The following MIB1 variants were observed in gnomAD, a reference collection of about 807,000 sequenced individuals.
The protein encoded by MIB1 is MIB E3 ubiquitin protein ligase 1.
A neutral mutation model predicts 124.5 loss-of-function variants in MIB1; 278 were observed. The ratio of observed to expected loss-of-function variants is 2.23; its 90% CI spans 2.02 to 2.47. The LOEUF is 2.47. Among genes scored for constraint, MIB1 ranks in the 30% most tolerant of loss-of-function variants. The pLI is 0.00. For missense variants in MIB1, 957 were observed against 1,254.4 expected, an observed-to-expected ratio of 0.76 and a Z score of 3.58; for synonymous variants, 446 against 429.4, an observed-to-expected ratio of 1.04 and a Z score of -0.48.
chr18:21,829,698 T>TTTA (rs1472564468), intron 12 of MIB1, among the ~76,000 whole-genome samples: 1 of 152,108 alleles, frequency 6.6e-6, no homozygotes, highest in Non-Finnish European at 1.5e-5. Flanking sequence ...TTCTTTTTTC[T>TTTA]TTATTAGTTC....
intron 1 of MIB1, among the ~76,000 whole-genome samples, chr18:21,706,989 G>C (rs1365482571): frequency 6.6e-6 from 1 of 152,248 alleles, no homozygotes; most frequent in Non-Finnish European, 1.5e-5. Context: ...GAGTCTAGTG[G>C]GGACTTGGAG....
intron 14 of MIB1, 65 bp from the exon 15 acceptor site, chr18:21,844,027 T>C (rs2042113763): frequency 6.7e-7 from 1 of 1,501,042 alleles, no homozygotes; most frequent in Non-Finnish European, 9.2e-7. Flanking sequence ...ACCATTACTT[T>C]AGATATGTTG....
chr18:21,791,562 G>A lies in MIB1; in HGVS notation c.1092+5G>A, dbSNP rs1313618441. 3 of 1,605,828 alleles carry A rather than the reference G, an allele frequency of 1.9e-6. No homozygotes were observed. Among genetic ancestry groups the A allele is most frequent in the East Asian group, 2.2e-5 (1 of 44,758 alleles). On this transcript the variant is annotated splice_donor_5th_base_variant and intron_variant, in intron 7 of 20. Transcript: ENST00000261537. ...TGGGCTGAAGCGATGCTTCCAGTAAGTATGTTTAGAATAATTCTGGGCTAG... is the reference window on the plus strand; with the variant it reads ...TGGGCTGAAGCGATGCTTCCAGTAAATATGTTTAGAATAATTCTGGGCTAG...
chr18:21,820,464 A>T (rs1033781477), intron 12 of MIB1, among the ~76,000 whole-genome samples: 3 of 152,314 alleles, frequency 2.0e-5, no homozygotes, highest in African/African-American at 7.2e-5. Flanking sequence ...TAGGATCACC[A>T]CTAGAGGGTG....
chr18:21,748,324 T>C (rs1045247821), intron 1 of MIB1, among the ~76,000 whole-genome samples: 9 of 151,822 alleles, frequency 5.9e-5, no homozygotes, highest in Admixed American at 1.3e-4. Context: ...AACCATTCTT[T>C]TTTTGCTTTG....
At chr18:21,841,941 G>A (rs1303213687) in intron 13 of MIB1, among the ~76,000 whole-genome samples, 1 of 151,836 alleles carries the variant, frequency 6.6e-6, no homozygotes, top group East Asian at 1.9e-4. Context: ...TCCCCATTGT[G>A]CACATTTATG....
chr18:21,720,159 C>A (rs936356094), intron 1 of MIB1, among the ~76,000 whole-genome samples: 1 of 152,144 alleles, frequency 6.6e-6, no homozygotes, highest in Non-Finnish European at 1.5e-5. Context: ...AAGGAAAGTT[C>A]TTCTGCATAG....
At position 21,866,818 on chromosome 18, in the gene MIB1, A is replaced by G. The variant is rs780434071; in HGVS notation, c.*2152A>G. 19 of 152,432 alleles carry G rather than the reference A, an allele frequency of 1.2e-4. No individual in the cohort carries two copies. Among genetic ancestry groups the G allele is most frequent in the Non-Finnish European group, 1.8e-4 (12 of 68,018 alleles). The allele number at this position is 152,432 out of a possible 1,614,324, so 9.4% of individuals were successfully genotyped here. On this transcript the variant is annotated 3_prime_UTR_variant, in exon 21 of 21. Coordinates refer to ENST00000261537, the MANE Select transcript of MIB1 (RefSeq NM_020774.4). ...GTGCTAGTACTTGTGGGTTTTCTGT[A>G]TTTGTATCACCTTGAAATTTGTTCC...
chr18:21,864,738 G>A lies in MIB1; in HGVS notation c.*72G>A, dbSNP rs1598649526. The stretch of plus-strand genomic sequence containing the variant: ...ATCTTAATAGGCTTTTGATCTAGTT[G>A]GAAGTTCTGATGAGTTAATTTCTAA... On this transcript the variant is annotated 3_prime_UTR_variant, in exon 21 of 21. Coordinates refer to ENST00000261537, the MANE Select transcript of MIB1 (RefSeq NM_020774.4). 8.1e-7 allele frequency: 1 copy of A among 1,240,054 alleles called. No homozygotes were observed. The highest frequency in any genetic ancestry group is 1.1e-6 in the Non-Finnish European group (1 of 883,502). 76.8% of individuals were successfully genotyped at this position (1,240,054 alleles called of 1,614,324 possible).
chr18:21,819,188 C>T (rs1364635421), intron 11 of MIB1, among the ~76,000 whole-genome samples: 1 of 152,188 alleles, frequency 6.6e-6, no homozygotes, highest in African/African-American at 2.4e-5. Flanking sequence ...TAGGTGCACA[C>T]CGCCGTGCCC....
chr18:21,799,172 A>G (rs1475530017), intron 8 of MIB1, among the ~76,000 whole-genome samples: 3 of 152,054 alleles, frequency 2.0e-5, no homozygotes, highest in Admixed American at 6.6e-5. Context: ...CTGCTTTATA[A>G]TAAGTACCCC....
chr18:21,823,067 C>G (rs186815010), intron 12 of MIB1, among the ~76,000 whole-genome samples: 286 of 152,122 alleles, frequency 1.9e-3, no homozygotes, highest in African/African-American at 6.8e-3. Context: ...AATGCTGTCT[C>G]TACTAAAAAT....
In MIB1 at chr18:21,859,757, C is replaced by T. The variant is rs113928347; in HGVS notation, c.2880+1111C>T. 2.9e-3 allele frequency among the ~76,000 whole-genome samples: 446 copies of T among 151,556 alleles called. 1 individual carries two copies. The highest frequency in any genetic ancestry group is 0.01 in the African/African-American group (423 of 41,318). On this transcript the variant is annotated intron_variant, in intron 20 of 20. Coordinates refer to ENST00000261537, the MANE Select transcript of MIB1 (RefSeq NM_020774.4). ...TACAAAAATTAGCCAGGCATGGTGG[C>T]GCGCACCTGTAGTCGCAGCTACTCT...
intron 17 of MIB1, among the ~76,000 whole-genome samples, chr18:21,849,942 G>A (rs1020047726): frequency 6.6e-6 from 1 of 152,152 alleles, no homozygotes; most frequent in Non-Finnish European, 1.5e-5. Flanking sequence ...GAAGTTAGAT[G>A]TAATAGTTTG....
intron 6 of MIB1, among the ~76,000 whole-genome samples, chr18:21,780,173 A>G (rs117473960): frequency 0.017 from 2,646 of 152,288 alleles, 55 homozygotes; most frequent in Non-Finnish European, 0.023. Flanking sequence ...ATCCATGCAT[A>G]CAATGTATAA....
chr18:21,754,235 T>C (rs911585561), intron 1 of MIB1, among the ~76,000 whole-genome samples: 1 of 152,246 alleles, frequency 6.6e-6, no homozygotes, highest in African/African-American at 2.4e-5. Flanking sequence ...TATTTGATTT[T>C]AGTTTGCATA....
intron 10 of MIB1, among the ~76,000 whole-genome samples, chr18:21,807,306 G>A (rs1272897447): frequency 6.6e-6 from 1 of 152,044 alleles, no homozygotes; most frequent in Non-Finnish European, 1.5e-5. Context: ...CTGGCACACA[G>A]CTATAGTCTC....
At chr18:21,852,453 C>A (rs1598642941) in intron 17 of MIB1, among the ~76,000 whole-genome samples, 2 of 152,162 alleles carry the variant, frequency 1.3e-5, no homozygotes, top group South Asian at 4.1e-4. Context: ...TAGCCAAGGG[C>A]TATGGGGTAG....
intron 1 of MIB1, among the ~76,000 whole-genome samples, chr18:21,753,903 C>T (rs2041002691): frequency 6.6e-6 from 1 of 152,292 alleles, no homozygotes; most frequent in African/African-American, 2.4e-5. Flanking sequence ...GTCTTGAACT[C>T]CTGACCTCAG....
Sources: allele counts gnomAD v4.1 joint callset (sites outside exome capture counted in the v4.1 genomes callset), GRCh38; gene constraint gnomAD v4.1.1; transcripts MANE v1.5; gene names NCBI Gene and HGNC (gene_info 2026-07-23, HGNC 2026-07-21).